DLG2: variants seen among roughly 807,000 people sequenced by gnomAD.
The protein encoded by DLG2 is discs large MAGUK scaffold protein 2.
Under a neutral mutation model 132.5 loss-of-function variants are expected in DLG2, and 45 were observed. The ratio of observed to expected loss-of-function variants is 0.34; its 90% CI spans 0.27 to 0.44. The LOEUF is 0.44. Among genes scored for constraint, DLG2 ranks in the 20% least tolerant of loss-of-function variants. The probability of loss-of-function intolerance (pLI) is 1.00; values close to 1 mark genes in which losing one functional copy is unlikely to be tolerated. For synonymous variants in DLG2, 424 were observed against 419.6 expected, an observed-to-expected ratio of 1.01 and a Z score of -0.13; for missense variants, 1,045 against 1,196.9, an observed-to-expected ratio of 0.87 and a Z score of 1.87.
chr11:84,534,802 T>C, intron 6 of DLG2, 71 bp from the exon 7 acceptor site: 3 of 1,531,264 alleles, frequency 2.0e-6, no homozygotes, highest in Non-Finnish European at 2.7e-6. Flanking sequence ...CTGAACTTCA[T>C]ATTCTAACTT....
At chr11:84,329,285 G>C (rs1010887664) in intron 7 of DLG2, among the ~76,000 whole-genome samples, 3 of 152,126 alleles carry the variant, frequency 2.0e-5, no homozygotes, top group Non-Finnish European at 4.4e-5. Context: ...CTTTGGTTTA[G>C]GAAACATGCT....
At chr11:84,925,054 C>G (rs892130037) in intron 6 of DLG2, among the ~76,000 whole-genome samples, 3 of 152,094 alleles carry the variant, frequency 2.0e-5, no homozygotes, top group Non-Finnish European at 2.9e-5. Flanking sequence ...CTTAAAAATG[C>G]CTTTCTCCAC....
In DLG2 at chr11:83,541,774, A is replaced by C; in HGVS notation, c.2025T>G (p.Val675=). ...ACCACTCATCATCAGAGGCATTGAT[A>C]ACGTGGAGAATATCTCCATATTTAA... ...LSFKYGDILH[V]INASDDEWWQ... is the part of the protein sequence containing the mutation. The change falls in exon 20 of 28, where the codon GTT becomes GTG. Residue 675 remains valine (V), a synonymous_variant. Transcript: ENST00000376104. 1.2e-6 allele frequency: 2 copies of C among 1,613,552 alleles called. No individual in the cohort carries two copies. The highest frequency in any genetic ancestry group is 1.7e-6 in the Non-Finnish European group (2 of 1,179,652).
chr11:85,410,937 C>G (rs2089256230), intron 3 of DLG2, among the ~76,000 whole-genome samples: 1 of 151,670 alleles, frequency 6.6e-6, no homozygotes, highest in South Asian at 2.1e-4. Context: ...ATGCCTTAAA[C>G]CAAAGAAAAC....
At position 84,161,980 on chromosome 11, in the gene DLG2, T is replaced by A. The variant is rs1004345295; in HGVS notation, c.624+1481A>T. On this transcript the variant is annotated intron_variant, in intron 9 of 27. Coordinates refer to ENST00000376104, the MANE Select transcript of DLG2 (RefSeq NM_001142699.3). Reference sequence around the variant, plus strand: ...TGTCAAACACTTAAGTTTCAACGTATATTTTGGTTTAAAAGCACTCACACT... The same window carrying A: ...TGTCAAACACTTAAGTTTCAACGTAAATTTTGGTTTAAAAGCACTCACACT... Among the ~76,000 whole-genome samples, 5 of 152,182 alleles carry A rather than the reference T, an allele frequency of 3.3e-5. No individual in the cohort carries two copies. In the South Asian group the frequency reaches 1.0e-3, roughly 32 times the overall value.
At chr11:84,892,403 T>C (rs1162608346) in intron 6 of DLG2, among the ~76,000 whole-genome samples, 1 of 152,002 alleles carries the variant, frequency 6.6e-6, no homozygotes, top group Non-Finnish European at 1.5e-5. Flanking sequence ...AATGCAGCTC[T>C]ATGGCAAAAA....
intron 3 of DLG2, among the ~76,000 whole-genome samples, chr11:85,505,092 T>G (rs577099989): frequency 3.3e-5 from 5 of 152,196 alleles, no homozygotes; most frequent in South Asian, 2.1e-4. Flanking sequence ...CTTTGCTGAA[T>G]TTGCTTATCA....
At position 85,285,250 on chromosome 11, in the gene DLG2, C is replaced by T. The variant is rs772117731; in HGVS notation, c.156G>A (p.Pro52=). 6.1e-5 allele frequency: 99 copies of T among 1,611,398 alleles called. 1 individual carries two copies. Among genetic ancestry groups the T allele is most frequent in the South Asian group, 2.4e-4 (22 of 90,914 alleles). Reference sequence around the variant, plus strand: ...AAGATTTTTGAAGTCTGTCATGGCACGGAGCAAGAAGGGATGTCTTCTCCC... The same window carrying T: ...AAGATTTTTGAAGTCTGTCATGGCATGGAGCAAGAAGGGATGTCTTCTCCC... The part of the protein sequence containing the change: ...QKWEKTSLLA[P]CHDRLQKSSE... Residue 52 remains proline, a synonymous_variant, in exon 4 of 28, where the codon CCG becomes CCA. Coordinates refer to ENST00000376104, the MANE Select transcript of DLG2 (RefSeq NM_001142699.3).
At chr11:84,969,353 G>A (rs974248285) in intron 6 of DLG2, among the ~76,000 whole-genome samples, 4 of 152,240 alleles carry the variant, frequency 2.6e-5, no homozygotes, top group Admixed American at 6.5e-5. Flanking sequence ...TGCTACTTAC[G>A]TCTGCTTCCT....
chr11:83,661,613 C>G (rs1233444570), intron 18 of DLG2, among the ~76,000 whole-genome samples: 8 of 152,032 alleles, frequency 5.3e-5, no homozygotes, highest in Non-Finnish European at 1.2e-4. Flanking sequence ...ACTTATGACT[C>G]TAATAGTAGA....
chr11:84,663,252 T>A (rs979732327), intron 6 of DLG2, among the ~76,000 whole-genome samples: 15 of 149,882 alleles, frequency 1.0e-4, no homozygotes, highest in South Asian at 2.1e-4. Flanking sequence ...TATATATATT[T>A]TTTTTTCATA....
At chr11:84,732,286 A>G (rs1303795749) in intron 6 of DLG2, among the ~76,000 whole-genome samples, 2 of 152,062 alleles carry the variant, frequency 1.3e-5, no homozygotes, top group African/African-American at 2.4e-5. Flanking sequence ...TTCTTCTGGA[A>G]TGGATTTGCT....
At chr11:84,236,411 C>T (rs1019513690) in intron 8 of DLG2, among the ~76,000 whole-genome samples, 1 of 152,188 alleles carries the variant, frequency 6.6e-6, no homozygotes, top group Non-Finnish European at 1.5e-5. Flanking sequence ...TCTACAATAA[C>T]CTACCTCAAG....
At chr11:84,501,630 G>A (rs963555151) in intron 7 of DLG2, among the ~76,000 whole-genome samples, 23 of 152,034 alleles carry the variant, frequency 1.5e-4, no homozygotes, top group Non-Finnish European at 2.4e-4. Context: ...TGCTTACATC[G>A]TTGAGATTTT....
At chr11:84,699,068 T>A (rs2058925519) in intron 6 of DLG2, among the ~76,000 whole-genome samples, 1 of 151,522 alleles carries the variant, frequency 6.6e-6, no homozygotes, top group Admixed American at 6.6e-5. Flanking sequence ...GAGCTCCATT[T>A]CCTTCCAATG....
At chr11:83,598,187 GA>G (rs150422705) in intron 19 of DLG2, among the ~76,000 whole-genome samples, 2 of 151,966 alleles carry the variant, frequency 1.3e-5, no homozygotes, top group African/African-American at 2.4e-5. Flanking sequence ...TCCGAGAAGG[GA>G]AAAAAAATGA....
chr11:83,541,665 A>G lies in DLG2; in HGVS notation c.2117+17T>C. On this transcript the variant is annotated intron_variant, in intron 20 of 27. Transcript: ENST00000376104. ...ATAGCTGACAAGCAAATATTCTAGT[A>G]CAAAAGGCATTCTTACCTCCTTTTG... 6.3e-7 allele frequency: 1 copy of G among 1,585,264 alleles called. No individual in the cohort carries two copies. Among genetic ancestry groups the G allele is most frequent in the Non-Finnish European group, 8.6e-7 (1 of 1,166,382 alleles).
chr11:83,931,113 G>T (rs1161597320), intron 14 of DLG2, among the ~76,000 whole-genome samples: 1 of 152,054 alleles, frequency 6.6e-6, no homozygotes, highest in African/African-American at 2.4e-5. Context: ...CTAATACAAA[G>T]AAATAGTATA....
chr11:84,068,992 G>A (rs770872049), intron 10 of DLG2, among the ~76,000 whole-genome samples: 3 of 152,112 alleles, frequency 2.0e-5, no homozygotes, highest in Non-Finnish European at 2.9e-5. Flanking sequence ...ACTGTCAGTC[G>A]GGTCCAGGAC....
Sources: gnomAD v4.1 joint callset for allele counts (sites outside exome capture counted in the v4.1 genomes callset) on GRCh38, gnomAD v4.1.1 for gene constraint, MANE v1.5 for transcripts, NCBI Gene and HGNC (gene_info 2026-07-23, HGNC 2026-07-21) for gene names.